The following SKOR2 variants were observed in gnomAD, a reference collection of about 807,000 sequenced individuals.
SKOR2 encodes the protein SKI family transcriptional corepressor 2, also known as LBX1 corepressor 1-like protein.
In SKOR2, 47 loss-of-function variants were observed where a neutral mutation model predicts 69.1. The ratio of observed to expected loss-of-function variants is 0.68; its 90% CI spans 0.54 to 0.87. The LOEUF (loss-of-function observed/expected upper bound fraction) is 0.87, where lower values mean the gene tolerates loss of function less well. Among genes scored for constraint, SKOR2 ranks in the 40% least tolerant of loss-of-function variants. The probability of loss-of-function intolerance (pLI) is 0.00; values close to 1 mark genes in which losing one functional copy is unlikely to be tolerated. For synonymous variants in SKOR2, 717 were observed against 672.6 expected, an observed-to-expected ratio of 1.07 and a Z score of -1.02; for missense variants, 1,404 against 1,472.2, an observed-to-expected ratio of 0.95 and a Z score of 0.76.
intron 7 of SKOR2, among the ~76,000 whole-genome samples, chr18:47,216,030 C>A (rs1282864616): frequency 6.6e-6 from 1 of 152,092 alleles, no homozygotes; most frequent in Non-Finnish European, 1.5e-5. Context: ...TTTTATATTC[C>A]AGTCCTTGGA....
Position 47,247,909 on chromosome 18 carries a change from C to G in SKOR2, c.1275G>C (p.Glu425Asp). The change falls in exon 2 of 9, where the codon GAG becomes GAC. Residue 425 changes from glutamate to aspartate, a missense_variant. Transcript: ENST00000425639. The surrounding 1 kb of genome is among the most constrained non-coding windows in gnomAD (Gnocchi z 6.6). ...GGGCCTCAGCGGCGGCACCCGCATC[C>G]TCTTTCTTATGGCACAAGCTGAAGG... ...AAAFSLCHKK[E>D]DAGAAAEALG... The G allele has an allele frequency of 2.2e-6, 3 of 1,368,662 alleles. No homozygotes were observed. The highest frequency in any genetic ancestry group is 1.5e-5 in the African/African-American group (1 of 65,368). The allele number at this position is 1,368,662 out of a possible 1,614,324, so 84.8% of individuals were successfully genotyped here.
chr18:47,235,606 G>A (rs2064218864), intron 4 of SKOR2, among the ~76,000 whole-genome samples: 1 of 152,054 alleles, frequency 6.6e-6, no homozygotes, highest in Non-Finnish European at 1.5e-5. Context: ...ACCTCCAACA[G>A]CAGTGGTTCC....
At chr18:47,250,000 C>A (rs983609562) in intron 1 of SKOR2, among the ~76,000 whole-genome samples, 1 of 152,258 alleles carries the variant, frequency 6.6e-6, no homozygotes. Flanking sequence ...AGATGGTAGT[C>A]ATTTAAAAAC....
At chr18:47,224,146 G>A (rs546129056) in intron 6 of SKOR2, among the ~76,000 whole-genome samples, 5 of 152,168 alleles carry the variant, frequency 3.3e-5, no homozygotes, top group African/African-American at 1.2e-4. Flanking sequence ...GACCTCAAGT[G>A]ATCCACCTGC....
chr18:47,232,278 T>C (rs1417593665), intron 4 of SKOR2, among the ~76,000 whole-genome samples: 1 of 152,228 alleles, frequency 6.6e-6, no homozygotes, highest in Non-Finnish European at 1.5e-5. Flanking sequence ...CAAAGAAAAC[T>C]ATATTGCGCA....
rs754181852 is a variant in SKOR2, at chr18:47,247,110, G to T, written c.2074C>A (p.His692Asn). 1.2e-5 allele frequency: 16 copies of T among 1,316,788 alleles called. 1 individual carries two copies. The South Asian group carries it at 3.5e-4, about 28-fold the overall frequency. The allele number at this position is 1,316,788 out of a possible 1,614,324, so 81.6% of individuals were successfully genotyped here. Residue 692 changes from histidine (H) to asparagine (N), a missense_variant, in exon 2 of 9, where the codon CAC (histidine) becomes AAC (asparagine). By Grantham distance (68) the His-to-Asn change is moderately conservative (BLOSUM62 1). Transcript: ENST00000425639. The surrounding 1 kb of genome is among the most constrained non-coding windows in gnomAD (Gnocchi z 6.6). Reference protein sequence around the residue: ...QPDEPGSERHHPAPPPPPPPP... With the variant: ...QPDEPGSERHNPAPPPPPPPP... Reference sequence around the variant, plus strand: ...GGCGGCGGCGGCGGCGGGGCCGGGTGGTGGCGCTCGGAACCCGGCTCGTCG... The same window carrying T: ...GGCGGCGGCGGCGGCGGGGCCGGGTTGTGGCGCTCGGAACCCGGCTCGTCG...
At chr18:47,227,743 T>G (rs187371859) in intron 6 of SKOR2, among the ~76,000 whole-genome samples, 54 of 152,330 alleles carry the variant, frequency 3.5e-4, no homozygotes, top group African/African-American at 1.2e-3. Context: ...ACTTATCCTG[T>G]GCCCAGCATG....
At chr18:47,244,874 G>A (rs1316976276) in intron 4 of SKOR2, 34 bp downstream of exon 4, 1 of 1,515,182 alleles carries the variant, frequency 6.6e-7, no homozygotes. Flanking sequence ...CCTGTCATCT[G>A]ACTATTCATT....
At chr18:47,238,933 G>A (rs181577699) in intron 4 of SKOR2, among the ~76,000 whole-genome samples, 1 of 152,308 alleles carries the variant, frequency 6.6e-6, no homozygotes, top group Non-Finnish European at 1.5e-5. Flanking sequence ...ACAGGGCCTG[G>A]CCACTGTTGA....
At chr18:47,234,364 GAATT>G (rs2064212265) in intron 4 of SKOR2, 2 of 151,888 alleles carry the variant, frequency 1.3e-5, no homozygotes, top group South Asian at 4.2e-4. Context: ...TACTTTTTCA[GAATT>G]AATGAATGGG....
At chr18:47,243,697 C>T (rs928382595) in intron 4 of SKOR2, among the ~76,000 whole-genome samples, 2 of 152,094 alleles carry the variant, frequency 1.3e-5, no homozygotes, top group Non-Finnish European at 2.9e-5. Context: ...CCACATTAGA[C>T]ACTTAGGGCA....
At chr18:47,246,060 T>C (rs962542420) in intron 2 of SKOR2, among the ~76,000 whole-genome samples, 1 of 152,178 alleles carries the variant, frequency 6.6e-6, no homozygotes, top group Non-Finnish European at 1.5e-5. Flanking sequence ...ACACAACAGT[T>C]GTGTCCATTC....
intron 7 of SKOR2, among the ~76,000 whole-genome samples, chr18:47,218,748 A>T (rs1049425152): frequency 3.9e-5 from 6 of 152,162 alleles, no homozygotes; most frequent in African/African-American, 1.4e-4. Flanking sequence ...AGCTCTTATT[A>T]TCAAGGAATC....
Position 47,248,033 on chromosome 18 carries a change from G to C in SKOR2, c.1151C>G (p.Pro384Arg). 6.9e-7 allele frequency: 1 copy of C among 1,441,028 alleles called. No individual in the cohort carries two copies. The highest frequency in any genetic ancestry group is 9.1e-7 in the Non-Finnish European group (1 of 1,098,518). 89.3% of individuals were successfully genotyped at this position (1,441,028 alleles called of 1,614,324 possible). A position where few individuals can be genotyped will look rare whatever the true frequency, so the allele number is the denominator to read the frequency against. The stretch of plus-strand genomic sequence containing the variant: ...CCCGAACGAGCCCTTGCTGGGCACC[G>C]GGATGACTGGGTAGCTGCGCGGGCC... ...AKGPRSYPVI[P>R]VPSKGSFGGV... The change falls in exon 2 of 9, where the codon CCG (proline) becomes CGG (arginine). Residue 384 changes from proline (P) to arginine (R), a missense_variant. Coordinates refer to ENST00000425639, the MANE Select transcript of SKOR2 (RefSeq NM_001278063.4). The surrounding 1 kb of genome is among the most constrained non-coding windows in gnomAD (Gnocchi z 6.4).
At chr18:47,227,578 G>A (rs986196318) in intron 6 of SKOR2, among the ~76,000 whole-genome samples, 1 of 152,060 alleles carries the variant, frequency 6.6e-6, no homozygotes, top group Admixed American at 6.6e-5. Flanking sequence ...TGATCTGCCT[G>A]GCTCAGCCTC....
intron 1 of SKOR2, among the ~76,000 whole-genome samples, chr18:47,249,599 A>C (rs1295426200): frequency 6.6e-6 from 1 of 152,244 alleles, no homozygotes; most frequent in African/African-American, 2.4e-5. Flanking sequence ...CAGATAATAA[A>C]AGTTACGGAA....
intron 4 of SKOR2, among the ~76,000 whole-genome samples, chr18:47,243,113 T>C (rs1265416930): frequency 1.3e-5 from 2 of 152,212 alleles, no homozygotes; most frequent in African/African-American, 4.8e-5. Flanking sequence ...TAAACTTTCT[T>C]TCTGAGCTTT....
At chr18:47,210,395 C>T (rs17712141) in intron 8 of SKOR2, among the ~76,000 whole-genome samples, 15,563 of 151,998 alleles carry the variant, frequency 0.1, 836 homozygotes, top group Non-Finnish European at 0.12. Context: ...AGTTTTGATT[C>T]GTAAACCTCA....
At chr18:47,250,984 G>T (rs183105530) in intron 1 of SKOR2, among the ~76,000 whole-genome samples, 1,691 of 152,154 alleles carry the variant, frequency 0.011, 40 homozygotes, top group African/African-American at 0.039. Flanking sequence ...AGCCGGGGCG[G>T]GAAGCTGGCT....
Sources: gnomAD v4.1 joint callset for allele counts (sites outside exome capture counted in the v4.1 genomes callset) on GRCh38, gnomAD v4.1.1 for gene constraint, Gnocchi (gnomAD v3.1) non-coding constraint, MANE v1.5 for transcripts, NCBI Gene and HGNC (gene_info 2026-07-23, HGNC 2026-07-21) for gene names.